TBC1D4: variants seen among roughly 807,000 people sequenced by gnomAD.
TBC1D4 encodes the protein TBC1 domain family member 4, also known as TBC (Tre-2, BUB2, CDC16) domain-containing protein.
A neutral mutation model predicts 142.5 loss-of-function variants in TBC1D4; 121 were observed. The observed-to-expected ratio is 0.85, with a 90% confidence interval of 0.73 to 0.99. TBC1D4 has a LOEUF of 0.99. Among genes scored for constraint, TBC1D4 ranks in the 50% least tolerant of loss-of-function variants. The pLI, the probability that TBC1D4 is intolerant of heterozygous loss-of-function variation, is 0.00. For synonymous variants in TBC1D4, 630 were observed against 628.2 expected (o/e 1.00, Z -0.04); for missense variants, 1,475 against 1,606.6 (o/e 0.92, Z 1.40).
chr13:75,367,317 A>G (rs75346793), intron 1 of TBC1D4, among the ~76,000 whole-genome samples: 1,768 of 152,302 alleles, frequency 0.012, 34 homozygotes, highest in African/African-American at 0.041. Context: ...TGTCTTTTTT[A>G]TTCACACGGT....
At chr13:75,428,680 C>T (rs544986097) in intron 1 of TBC1D4, among the ~76,000 whole-genome samples, 5 of 152,308 alleles carry the variant, frequency 3.3e-5, no homozygotes, top group South Asian at 4.1e-4. Context: ...CCCAGTTCCC[C>T]GGATTAGTTC....
intron 1 of TBC1D4, 33 bp downstream of exon 1, chr13:75,481,237 G>C (rs1593934590): frequency 6.8e-7 from 1 of 1,479,936 alleles, no homozygotes; most frequent in African/African-American, 1.4e-5. Flanking sequence ...CCAAGGCCGA[G>C]CCCGCCCCCG....
chr13:75,438,655 A>G (rs1208038630), intron 1 of TBC1D4, among the ~76,000 whole-genome samples: 3 of 152,252 alleles, frequency 2.0e-5, no homozygotes, highest in African/African-American at 7.2e-5. Context: ...CTTTTATAAT[A>G]TTAAGACTTT....
chr13:75,299,594 A>C lies in TBC1D4; in HGVS notation c.2912-20T>G, dbSNP rs1876311017. The stretch of plus-strand genomic sequence containing the variant: ...TCCTTCCTGCAGAGGAAAAGAAGGA[A>C]AATATTTTTTGAAATGTCCTCATGC... On this transcript the variant is annotated intron_variant, in intron 16 of 20. Coordinates refer to ENST00000377636, the MANE Select transcript of TBC1D4 (RefSeq NM_014832.5). The C allele has an allele frequency of 3.7e-6, 6 of 1,613,624 alleles. No homozygotes were observed. The highest frequency in any genetic ancestry group is 5.1e-6 in the Non-Finnish European group (6 of 1,179,984).
rs114925942 is a variant in TBC1D4, at chr13:75,327,382, A to G, written c.1806+370T>C. On this transcript the variant is annotated intron_variant, in intron 9 of 20. Transcript: ENST00000377636. ...AGAAGATCCCAGTGTTGCAGCTAAA[A>G]TGATTTTTAAAAAATGAGGGGGGAA... is the stretch of plus-strand genomic sequence containing the variant. Among the ~76,000 whole-genome samples, 367 of 152,282 alleles carry G rather than the reference A, an allele frequency of 2.4e-3. 3 individuals are homozygous for G. Among genetic ancestry groups the G allele is most frequent in the African/African-American group, 8.5e-3 (354 of 41,566 alleles).
chr13:75,446,520 G>A (rs1270746245), intron 1 of TBC1D4, among the ~76,000 whole-genome samples: 3 of 152,190 alleles, frequency 2.0e-5, no homozygotes, highest in African/African-American at 7.2e-5. Flanking sequence ...ATGTGTTAAC[G>A]TAGTTTTTAT....
At chr13:75,352,995 C>T (rs1488123450) in intron 4 of TBC1D4, among the ~76,000 whole-genome samples, 2 of 152,128 alleles carry the variant, frequency 1.3e-5, no homozygotes, top group East Asian at 1.9e-4. Flanking sequence ...AGTTCTATTG[C>T]CTCACTATTC....
At chr13:75,402,654 A>AACACAT (rs1555317016) in intron 1 of TBC1D4, among the ~76,000 whole-genome samples, 1 of 142,364 alleles carries the variant, frequency 7.0e-6, no homozygotes, top group Non-Finnish European at 1.5e-5. Context: ...ATCCCTAGTA[A>AACACAT]ACACACACAC....
intron 1 of TBC1D4, among the ~76,000 whole-genome samples, chr13:75,469,409 T>A (rs946615110): frequency 2.7e-4 from 41 of 152,020 alleles, no homozygotes; most frequent in Non-Finnish European, 2.2e-4. Context: ...AGTATGATAG[T>A]CCCAGCAAAA....
intron 1 of TBC1D4, among the ~76,000 whole-genome samples, chr13:75,453,404 C>T (rs993019320): frequency 1.1e-4 from 17 of 152,026 alleles, no homozygotes; most frequent in Non-Finnish European, 5.9e-5. Context: ...CTGAATTCTT[C>T]ACCGAGTCAT....
intron 1 of TBC1D4, among the ~76,000 whole-genome samples, chr13:75,427,881 T>C (rs11619783): frequency 0.044 from 6,692 of 152,324 alleles, 184 homozygotes; most frequent in Non-Finnish European, 0.049. Flanking sequence ...TAAATTACTT[T>C]TTCATGAATT....
Position 75,312,741 on chromosome 13 carries a change from G to T in TBC1D4, c.2380C>A (p.Gln794Lys). The T allele has an allele frequency of 6.2e-7, 1 of 1,614,140 alleles. No individual in the cohort carries two copies. Among genetic ancestry groups the T allele is most frequent in the Non-Finnish European group, 8.5e-7 (1 of 1,180,020 alleles). Residue 794 changes from glutamine (Q) to lysine (K), a missense_variant, in exon 13 of 21, where the codon CAA becomes AAA. By Grantham distance (53) the Gln-to-Lys change is moderately conservative (BLOSUM62 1). Around this residue, in one of 2 missense-constraint regions of TBC1D4, gnomAD observed 1,227 missense variants for 1,267.7 expected, o/e 0.97. Coordinates refer to ENST00000377636, the MANE Select transcript of TBC1D4 (RefSeq NM_014832.5). ...CCTTAGGGAGTGCAACACAGACCTTGCTGTTGCATTGCTGAGGGAGATTTG... is the reference window on the plus strand; with the variant it reads ...CCTTAGGGAGTGCAACACAGACCTTTCTGTTGCATTGCTGAGGGAGATTTG... ...MNKSPSAMQQ[Q>K]DGLDRNELLP...
chr13:75,387,514 G>A (rs772332143), intron 1 of TBC1D4, among the ~76,000 whole-genome samples: 2 of 152,124 alleles, frequency 1.3e-5, no homozygotes, highest in Non-Finnish European at 2.9e-5. Context: ...GATCTTTGGG[G>A]AAATATTGGT....
At chr13:75,409,431 A>C in intron 1 of TBC1D4, among the ~76,000 whole-genome samples, 1 of 152,182 alleles carries the variant, frequency 6.6e-6, no homozygotes, top group East Asian at 1.9e-4. Context: ...TTCACGATTA[A>C]TCTGTTCTTC....
rs1566522787 is a variant in TBC1D4, at chr13:75,481,390, G to A, written c.378C>T (p.Ile126=). The change falls in exon 1 of 21, where the codon ATC becomes ATT. Residue 126 remains isoleucine (I), a synonymous_variant. Transcript: ENST00000377636. The part of the protein sequence containing the change: ...VFIFEHKAQH[I]SRFIHNSHDL... ...CGTGGCTGTTGTGGATGAAGCGCGA[G>A]ATATGCTGCGCCTTGTGCTCGAAGA... The A allele has an allele frequency of 6.2e-7, 1 of 1,613,928 alleles. No individual in the cohort carries two copies. The highest frequency in any genetic ancestry group is 8.5e-7 in the Non-Finnish European group (1 of 1,179,842).
chr13:75,341,299 G>T, intron 6 of TBC1D4, 64 bp from the exon 7 acceptor site: 1 of 1,492,366 alleles, frequency 6.7e-7, no homozygotes, highest in Non-Finnish European at 9.3e-7. Flanking sequence ...TATTCTGTCG[G>T]GCAGACAAAC....
intron 19 of TBC1D4, among the ~76,000 whole-genome samples, chr13:75,289,884 T>C (rs1875099514): frequency 6.6e-6 from 1 of 152,178 alleles, no homozygotes; most frequent in Admixed American, 6.6e-5. Flanking sequence ...ATACTAACAC[T>C]GAGAAGAGAA....
intron 18 of TBC1D4, among the ~76,000 whole-genome samples, chr13:75,293,055 T>C (rs1875508157): frequency 6.6e-6 from 1 of 152,146 alleles, no homozygotes; most frequent in African/African-American, 2.4e-5. Context: ...CTCGGGAGGC[T>C]GAGGCAGGAG....
intron 1 of TBC1D4, among the ~76,000 whole-genome samples, chr13:75,370,831 T>A (rs1883184710): frequency 6.6e-6 from 1 of 152,034 alleles, no homozygotes; most frequent in Admixed American, 6.6e-5. Context: ...ATCTAGATGG[T>A]ATTTAAAGCC....
Sources: allele counts gnomAD v4.1 joint callset (sites outside exome capture counted in the v4.1 genomes callset), GRCh38; gene constraint gnomAD v4.1.1; regional missense constraint gnomAD v4.1.1; transcripts MANE v1.5; gene names NCBI Gene and HGNC (gene_info 2026-07-23, HGNC 2026-07-21).